MBTD1: variants seen among roughly 807,000 people sequenced by gnomAD.
The protein encoded by MBTD1 is MBT domain-containing protein 1.
A neutral mutation model predicts 87.8 loss-of-function variants in MBTD1; 24 were observed. The observed-to-expected ratio is 0.27, with a 90% CI of 0.20 to 0.38. The LOEUF is 0.38. Among genes scored for constraint, MBTD1 ranks in the 10% least tolerant of loss-of-function variants. MBTD1 has a pLI of 1.00. For missense variants in MBTD1, 436 were observed against 760.2 expected (o/e 0.57, Z 5.02); for synonymous variants, 237 against 248.6 (o/e 0.95, Z 0.44).
intron 12 of MBTD1, among the ~76,000 whole-genome samples, chr17:51,196,525 C>A (rs2051116668): frequency 6.6e-6 from 1 of 152,066 alleles, no homozygotes; most frequent in Non-Finnish European, 1.5e-5. Flanking sequence ...CCCCATCTTG[C>A]CCTATTACCA....
chr17:51,260,952 T>G, upstream of MBTD1: 2 of 1,489,352 alleles, frequency 1.3e-6, no homozygotes, highest in Non-Finnish European at 8.9e-7. Flanking sequence ...GCGCGCGGGC[T>G]GGGCGCACTC....
chr17:51,238,102 G>T (rs1423983882), intron 2 of MBTD1, among the ~76,000 whole-genome samples: 1 of 152,156 alleles, frequency 6.6e-6, no homozygotes, highest in African/African-American at 2.4e-5. Context: ...GGGGCCAGGA[G>T]TGGAAAAGGG....
intron 2 of MBTD1, among the ~76,000 whole-genome samples, chr17:51,248,535 C>T (rs973352713): frequency 7.2e-5 from 11 of 152,156 alleles, no homozygotes; most frequent in South Asian, 4.1e-4. Flanking sequence ...CTGTCCTTTC[C>T]CACTCAATCT....
chr17:51,207,304 T>C (rs992801627), intron 6 of MBTD1, among the ~76,000 whole-genome samples: 3 of 152,192 alleles, frequency 2.0e-5, no homozygotes, highest in African/African-American at 7.2e-5. Context: ...GCAGATTTAA[T>C]AGGATTAAAC....
At chr17:51,222,830 C>T (rs2052990191) in intron 3 of MBTD1, among the ~76,000 whole-genome samples, 1 of 151,290 alleles carries the variant, frequency 6.6e-6, no homozygotes, top group South Asian at 2.1e-4. Flanking sequence ...TTTTTGAAGT[C>T]TCGCTCTGTA....
chr17:51,206,904 T>A lies in MBTD1; in HGVS notation c.588A>T (p.Gly196=). 1 of 1,609,248 alleles carries A rather than the reference T, an allele frequency of 6.2e-7. No homozygotes were observed. The highest frequency in any genetic ancestry group is 8.5e-7 in the Non-Finnish European group (1 of 1,175,796). Residue 196 remains glycine (G), a synonymous_variant, in exon 7 of 17, where the codon GGA becomes GGT. Transcript: ENST00000586178. ...GCTTTTCACCTGCTAATTTTACAATTCCAGCAATCCAGAAGACTTTGGTAG... is the reference window on the plus strand; with the variant it reads ...GCTTTTCACCTGCTAATTTTACAATACCAGCAATCCAGAAGACTTTGGTAG... The part of the protein sequence containing the change: ...SLPTKVFWIA[G]IVKLAGYNAL...
At chr17:51,260,927 G>T, upstream of MBTD1, 1 of 1,554,122 alleles carries the variant, frequency 6.4e-7, no homozygotes, top group South Asian at 1.2e-5. Context: ...AGGCCCGAGG[G>T]TGAGGGAGGC....
intron 7 of MBTD1, among the ~76,000 whole-genome samples, chr17:51,206,390 G>C (rs1157218645): frequency 6.6e-6 from 1 of 152,132 alleles, no homozygotes; most frequent in African/African-American, 2.4e-5. Context: ...TTACAGGCAT[G>C]AGTCACTGTG....
At chr17:51,260,505 C>G, upstream of MBTD1, 1 of 1,452,634 alleles carries the variant, frequency 6.9e-7, no homozygotes, top group East Asian at 2.4e-5. Flanking sequence ...GGGGCTTCGG[C>G]GGCGGCGGCC....
chr17:51,205,977 C>T (rs569040452), intron 7 of MBTD1, among the ~76,000 whole-genome samples: 2 of 152,076 alleles, frequency 1.3e-5, no homozygotes, highest in African/African-American at 4.8e-5. Context: ...TGGCTGCCTG[C>T]CTCTCCTCCA....
At chr17:51,181,063 T>C (rs945860490) in intron 16 of MBTD1, among the ~76,000 whole-genome samples, 4 of 145,478 alleles carry the variant, frequency 2.7e-5, no homozygotes, top group Non-Finnish European at 6.0e-5. Context: ...CACTCTGTCA[T>C]CAGGCTGGAG....
intron 5 of MBTD1, 59 bp from the exon 6 acceptor site, chr17:51,217,475 T>TA: frequency 1.3e-6 from 1 of 790,580 alleles, no homozygotes; most frequent in Non-Finnish European, 2.0e-6. Context: ...TATAAGAAGG[T>TA]TATCATTGTT....
At chr17:51,203,347 C>T in intron 8 of MBTD1, 119 bp from the exon 9 acceptor site, 2 of 583,376 alleles carry the variant, frequency 3.4e-6, no homozygotes, top group Non-Finnish European at 5.8e-6. Flanking sequence ...TGAAAAGTAA[C>T]AAATATAGAG....
At chr17:51,232,251 A>C (rs1027617746) in intron 2 of MBTD1, among the ~76,000 whole-genome samples, 4 of 152,166 alleles carry the variant, frequency 2.6e-5, no homozygotes. Context: ...TTTGATACCT[A>C]GCAGAAGCAA....
intron 1 of MBTD1, among the ~76,000 whole-genome samples, chr17:51,259,435 A>G (rs1245907807): frequency 2.6e-5 from 4 of 152,068 alleles, no homozygotes; most frequent in East Asian, 3.9e-4. Context: ...CAAAGCAACG[A>G]AACTGTGCTC....
chr17:51,235,724 C>G (rs567135687), intron 2 of MBTD1, among the ~76,000 whole-genome samples: 1 of 152,254 alleles, frequency 6.6e-6, no homozygotes, highest in African/African-American at 2.4e-5. Flanking sequence ...ATTAAAATGT[C>G]AGTCCTTCCC....
intron 3 of MBTD1, among the ~76,000 whole-genome samples, chr17:51,220,725 CAG>C (rs2052838922): frequency 6.6e-6 from 1 of 152,128 alleles, no homozygotes; most frequent in African/African-American, 2.4e-5. Flanking sequence ...TCAACAGAAA[CAG>C]GGCAGATACG....
At chr17:51,208,491 T>G (rs2051985187) in intron 6 of MBTD1, among the ~76,000 whole-genome samples, 1 of 152,210 alleles carries the variant, frequency 6.6e-6, no homozygotes, top group African/African-American at 2.4e-5. Flanking sequence ...CCAGCAGATA[T>G]GATTAAAAAG....
intron 2 of MBTD1, among the ~76,000 whole-genome samples, chr17:51,234,073 A>G (rs1251211086): frequency 6.6e-6 from 1 of 152,178 alleles, no homozygotes; most frequent in Non-Finnish European, 1.5e-5. Context: ...AAAGAAGACA[A>G]AATATCCCAA....
Sources: allele counts gnomAD v4.1 joint callset (sites outside exome capture counted in the v4.1 genomes callset), GRCh38; gene constraint gnomAD v4.1.1; transcripts MANE v1.5; gene names NCBI Gene and HGNC (gene_info 2026-07-23, HGNC 2026-07-21).